TPD52: variants seen among roughly 807,000 people sequenced by gnomAD.
TPD52 encodes the protein tumor protein D52.
Under a neutral mutation model 31.3 loss-of-function variants are expected in TPD52, and 17 were observed. The ratio of observed to expected loss-of-function variants is 0.54; its 90% CI spans 0.37 to 0.82. The LOEUF (loss-of-function observed/expected upper bound fraction) is 0.82, where lower values mean the gene tolerates loss of function less well. Among genes scored for constraint, TPD52 ranks in the 40% least tolerant of loss-of-function variants. The pLI is 0.00. For synonymous variants in TPD52, 83 were observed against 89.6 expected, an observed-to-expected ratio of 0.93 and a Z score of 0.42; for missense variants, 212 against 240.1, an observed-to-expected ratio of 0.88 and a Z score of 0.77.
At chr8:80,049,621 A>G (rs1259855728) in intron 5 of TPD52, among the ~76,000 whole-genome samples, 6 of 152,184 alleles carry the variant, frequency 3.9e-5, no homozygotes, top group Non-Finnish European at 8.8e-5. Context: ...GATGAAGACT[A>G]CTATATCATC....
At position 80,171,549 on chromosome 8, in the gene TPD52, C is replaced by T. The variant is rs761557455; in HGVS notation, c.-106G>A. On this transcript the variant is annotated 5_prime_UTR_variant, in exon 1 of 8. Transcript: ENST00000518937. ...CAGAGCTCCTCCTCGCCTCCGCCGG[C>T]GACTCCCGCGAAGTCCCCACCCCCA... The T allele has an allele frequency of 7.1e-5, 97 of 1,361,184 alleles. 1 individual carries two copies. Among genetic ancestry groups the T allele is most frequent in the East Asian group, 9.4e-5 (3 of 31,958 alleles). 84.3% of individuals were successfully genotyped at this position (1,361,184 alleles called of 1,614,324 possible).
rs553788013 is a variant in TPD52, at chr8:80,106,420, G to A, written c.20-41827C>T. Among the ~76,000 whole-genome samples the A allele has an allele frequency of 3.9e-5, 6 of 152,162 alleles. No individual in the cohort carries two copies. In the East Asian group the frequency reaches 7.7e-4, roughly 20 times the overall value. ...TCACCAGGCTGGAGTGCAGTGGTGC[G>A]ATCTTGGCTCACTGCAGGCTCCGCC... On this transcript the variant is annotated intron_variant, in intron 1 of 7. Coordinates refer to ENST00000518937, the MANE Select transcript of TPD52 (RefSeq NM_001025253.3).
chr8:80,150,426 G>A (rs555309618), intron 1 of TPD52, among the ~76,000 whole-genome samples: 66 of 152,344 alleles, frequency 4.3e-4, no homozygotes, highest in African/African-American at 1.6e-3. Flanking sequence ...ACACTGCCTA[G>A]TGGAGCTGTG....
At position 80,146,419 on chromosome 8, in the gene TPD52, A is replaced by G. The variant is rs116252084; in HGVS notation, c.19+25006T>C. Among the ~76,000 whole-genome samples, 1,160 of 152,366 alleles carry G rather than the reference A, an allele frequency of 7.6e-3. 18 individuals are homozygous for G. The highest frequency in any genetic ancestry group is 0.026 in the African/African-American group (1,068 of 41,588). ...AAAGCCCATTTCAGGTTCAGTTTAT[A>G]AAGGGTCTAGTAAGCACATTTATGA... On this transcript the variant is annotated intron_variant, in intron 1 of 7. Coordinates refer to ENST00000518937, the MANE Select transcript of TPD52 (RefSeq NM_001025253.3).
At chr8:80,137,418 GA>G (rs1287185460) in intron 1 of TPD52, among the ~76,000 whole-genome samples, 3 of 116,806 alleles carry the variant, frequency 2.6e-5, no homozygotes, top group Non-Finnish European at 5.5e-5. Flanking sequence ...CTATATGTTA[GA>G]TTTTTTTTTT....
At chr8:80,070,670 C>T (rs1194151587) in intron 1 of TPD52, among the ~76,000 whole-genome samples, 4 of 152,196 alleles carry the variant, frequency 2.6e-5, no homozygotes, top group Admixed American at 6.5e-5. Flanking sequence ...GGTACCAGTC[C>T]ACCACCTGGG....
In TPD52 at chr8:80,086,668, G is replaced by A; in HGVS notation, c.20-22075C>T. ...GCAGGCAGATCACCTGACATCAAGA[G>A]TTCGAGACCAGCCTGGCCAATATGG... On this transcript the variant is annotated intron_variant, in intron 1 of 7. Transcript: ENST00000518937. Among the ~76,000 whole-genome samples the A allele has an allele frequency of 2.0e-5, 3 of 151,900 alleles. No individual in the cohort carries two copies. In the South Asian group the frequency reaches 6.3e-4, roughly 32 times the overall value.
chr8:80,116,581 T>C (rs2131006199), intron 1 of TPD52, among the ~76,000 whole-genome samples: 1 of 152,268 alleles, frequency 6.6e-6, no homozygotes, highest in South Asian at 2.1e-4. Flanking sequence ...GAAGAATGAA[T>C]ACCAATTATT....
chr8:80,035,166 T>G lies in TPD52; in HGVS notation c.*2950A>C, dbSNP rs1809820873. 6.6e-6 allele frequency: 1 copy of G among 152,216 alleles called. No individual in the cohort carries two copies. Among genetic ancestry groups the G allele is most frequent in the African/African-American group, 2.4e-5 (1 of 41,452 alleles). The allele number at this position is 152,216 out of a possible 1,614,324, so 9.4% of individuals were successfully genotyped here. A position where few individuals can be genotyped will look rare whatever the true frequency, so the allele number is the denominator to read the frequency against. The stretch of plus-strand genomic sequence containing the variant: ...TCACTATGGGCAAAAATGTGATTTC[T>G]TCATCTGGGCTTTAAGAGCTATAAA... On this transcript the variant is annotated 3_prime_UTR_variant, in exon 8 of 8. Coordinates refer to ENST00000518937, the MANE Select transcript of TPD52 (RefSeq NM_001025253.3).
At chr8:80,163,970 T>C (rs916559103) in intron 1 of TPD52, among the ~76,000 whole-genome samples, 1 of 149,688 alleles carries the variant, frequency 6.7e-6, no homozygotes, top group African/African-American at 2.5e-5. Flanking sequence ...CTAATGAACA[T>C]ATATTGGGGT....
chr8:80,060,299 A>G (rs1812378081), intron 2 of TPD52, among the ~76,000 whole-genome samples: 1 of 151,240 alleles, frequency 6.6e-6, no homozygotes, highest in African/African-American at 2.4e-5. Context: ...GGACAAATGC[A>G]TAGAAATATA....
At chr8:80,151,341 G>A (rs1259088206) in intron 1 of TPD52, among the ~76,000 whole-genome samples, 2 of 152,094 alleles carry the variant, frequency 1.3e-5, no homozygotes, top group Non-Finnish European at 2.9e-5. Flanking sequence ...TATTACAATG[G>A]GAAAGAGAAA....
At chr8:80,105,929 G>A (rs1317374869) in intron 1 of TPD52, among the ~76,000 whole-genome samples, 2 of 151,830 alleles carry the variant, frequency 1.3e-5, no homozygotes, top group African/African-American at 2.4e-5. Context: ...GTGGGGTTTC[G>A]CCATGTACCC....
chr8:80,104,457 A>AC (rs1554587772), intron 1 of TPD52, among the ~76,000 whole-genome samples: 1 of 151,196 alleles, frequency 6.6e-6, no homozygotes, highest in Non-Finnish European at 1.5e-5. Context: ...ACATCTCAGA[A>AC]AGTGGGAAGG....
At chr8:80,085,948 G>A (rs1264794276) in intron 1 of TPD52, among the ~76,000 whole-genome samples, 1 of 151,978 alleles carries the variant, frequency 6.6e-6, no homozygotes, top group African/African-American at 2.4e-5. Context: ...GGATAGAGAT[G>A]GCCATACCCC....
intron 1 of TPD52, among the ~76,000 whole-genome samples, chr8:80,160,271 A>G (rs1392649392): frequency 6.6e-6 from 1 of 152,178 alleles, no homozygotes; most frequent in Non-Finnish European, 1.5e-5. Context: ...AAGCTTTTGT[A>G]GAGCTCTCCA....
At chr8:80,083,639 C>G (rs568280490) in intron 1 of TPD52, among the ~76,000 whole-genome samples, 2 of 152,214 alleles carry the variant, frequency 1.3e-5, no homozygotes, top group South Asian at 2.1e-4. Flanking sequence ...TTTCCTGAAG[C>G]CTCCCCAGCC....
intron 1 of TPD52, among the ~76,000 whole-genome samples, chr8:80,142,248 T>A (rs1035387027): frequency 2.0e-5 from 3 of 152,308 alleles, no homozygotes; most frequent in East Asian, 1.9e-4. Context: ...CGGGTCTGTA[T>A]CTTCTCATGG....
At chr8:80,082,451 G>A (rs1047348) in intron 1 of TPD52, among the ~76,000 whole-genome samples, 1 of 152,148 alleles carries the variant, frequency 6.6e-6, no homozygotes, top group African/African-American at 2.4e-5. Context: ...CCACCACCTA[G>A]AGCCAAAGGC....
Sources: allele counts gnomAD v4.1 joint callset (sites outside exome capture counted in the v4.1 genomes callset), GRCh38; gene constraint gnomAD v4.1.1; transcripts MANE v1.5; gene names NCBI Gene and HGNC (gene_info 2026-07-23, HGNC 2026-07-21).